ACE: variants seen among roughly 807,000 people sequenced by gnomAD.
ACE encodes angiotensin I converting enzyme, also known as angiotensin-converting enzyme.
In ACE, 122 loss-of-function variants were observed where a neutral mutation model predicts 162.3. The observed-to-expected ratio is 0.75, with a 90% CI of 0.65 to 0.87. The LOEUF (loss-of-function observed/expected upper bound fraction) is 0.87. Among genes scored for constraint, ACE ranks in the 40% least tolerant of loss-of-function variants. ACE has a pLI of 0.00. For synonymous variants in ACE, 796 were observed against 720.6 expected (o/e 1.10, Z -1.68); for missense variants, 1,799 against 1,735.1 (o/e 1.04, Z -0.65).
In ACE at chr17:63,490,858, A is replaced by T. The variant is rs904384379; in HGVS notation, c.2642-96A>T. ...CTCAAGAAATGCCACTATGATTAGC[A>T]GGACTGGGATCTGGAGCGCTCTTCC... On this transcript the variant is annotated intron_variant, in intron 17 of 24. Coordinates refer to ENST00000290866, the MANE Select transcript of ACE (RefSeq NM_000789.4). 2.7e-6 allele frequency: 3 copies of T among 1,128,604 alleles called. No homozygotes were observed. The Admixed American group carries it at 5.1e-5, about 19-fold the overall frequency. The allele number at this position is 1,128,604 out of a possible 1,614,324, so 69.9% of individuals were successfully genotyped here.
intron 22 of ACE, 152 bp from the exon 23 acceptor site, chr17:63,496,242 C>A: frequency 1.7e-6 from 2 of 1,173,160 alleles, no homozygotes; most frequent in East Asian, 2.4e-5. Flanking sequence ...GGAGCTCACC[C>A]TGATAGCTGT....
rs200269676 is a variant in ACE, at chr17:63,491,266, C to T, written c.2797C>T (p.Leu933=). 1.9e-6 allele frequency: 3 copies of T among 1,614,124 alleles called. No individual in the cohort carries two copies. The highest frequency in any genetic ancestry group is 1.1e-5 in the South Asian group (1 of 91,074). ...TGATGATTTCTTCACCTCCCTGGGG[C>T]TGCTGCCCGTGCCTCCTGAGTTCTG... ...EADDFFTSLG[L]LPVPPEFWNK... is the part of the protein sequence containing the mutation. Residue 933 remains leucine (L), a synonymous_variant, in exon 19 of 25, where the codon CTG becomes TTG. Coordinates refer to ENST00000290866, the MANE Select transcript of ACE (RefSeq NM_000789.4). This position sits in a 1 kb window ranked among gnomAD's most constrained non-coding sequence, Gnocchi z 4.4.
Position 63,486,300 on chromosome 17 carries a change from C to A in ACE, c.2059-257C>A, listed in dbSNP as rs4330. ...GCTGGCTCCTTCCTAAGGGCCTTTA[C>A]GACACTTGGGGGTCTTCTCTTCTCT... On this transcript the variant is annotated intron_variant, in intron 13 of 24. Coordinates refer to ENST00000290866, the MANE Select transcript of ACE (RefSeq NM_000789.4). 0.52 allele frequency: 286,484 copies of A among 553,364 alleles called. 75,788 individuals are homozygous for A. Among genetic ancestry groups the A allele is most frequent in the Middle Eastern group, 0.63 (1,278 of 2,014 alleles). The allele number at this position is 553,364 out of a possible 1,614,324, so 34.3% of individuals were successfully genotyped here.
rs369760270 is a variant in ACE, at chr17:63,496,902, C to T, written c.3608C>T (p.Pro1203Leu). 15 of 1,613,778 alleles carry T rather than the reference C, an allele frequency of 9.3e-6. No homozygotes were observed. In the East Asian group the frequency reaches 1.3e-4, roughly 14 times the overall value. ...TCGGCCATGTTGAGCTACTTCAAGC[C>T]GCTGCTGGACTGGCTCCGCACGGAG... Reference protein sequence around the residue: ...SASAMLSYFKPLLDWLRTENE... With the variant: ...SASAMLSYFKLLLDWLRTENE... The change falls in exon 24 of 25, where the codon CCG becomes CTG. Residue 1203 changes from proline to leucine, a missense_variant. By Grantham distance (98) the Pro-to-Leu change is moderately conservative. Coordinates refer to ENST00000290866, the MANE Select transcript of ACE (RefSeq NM_000789.4).
At chr17:63,483,288 G>A (rs954026411) in intron 9 of ACE, 115 bp downstream of exon 9, 6 of 1,565,048 alleles carry the variant, frequency 3.8e-6, no homozygotes, top group East Asian at 2.2e-5. Context: ...GATGTCCCCC[G>A]CTGTGACCCA....
intron 1 of ACE, 120 bp from the exon 2 acceptor site, chr17:63,477,811 C>T (rs763851900): frequency 1.1e-5 from 14 of 1,298,722 alleles, no homozygotes; most frequent in Non-Finnish European, 1.5e-5. Context: ...GGGATCTCCC[C>T]AGGGCCCGGG....
chr17:63,482,815 T>A, intron 8 of ACE, 126 bp downstream of exon 8: 2 of 1,167,310 alleles, frequency 1.7e-6, no homozygotes, highest in Non-Finnish European at 1.2e-6. Context: ...TCAGGCAGGG[T>A]TCGGGATCCT....
At position 63,491,392 on chromosome 17, in the gene ACE, C is replaced by G. The variant is rs1482873772; in HGVS notation, c.2912+11C>G. 6.2e-7 allele frequency: 1 copy of G among 1,614,062 alleles called. No individual in the cohort carries two copies. Among genetic ancestry groups the G allele is most frequent in the South Asian group, 1.1e-5 (1 of 91,088 alleles). ...CGGCAAGGACTTCCGGTACATCCAG[C>G]TAGGGCTCAGGTCTCGTTCCTGAGC... On this transcript the variant is annotated intron_variant, in intron 19 of 24. Transcript: ENST00000290866. The surrounding 1 kb of genome is among the most constrained non-coding windows in gnomAD (Gnocchi z 4.4).
chr17:63,488,073 A>G (rs1334018536), intron 15 of ACE, among the ~76,000 whole-genome samples: 1 of 152,174 alleles, frequency 6.6e-6, no homozygotes, highest in East Asian at 1.9e-4. Flanking sequence ...CATCTGTACT[A>G]AAAATACAAA....
Position 63,483,568 on chromosome 17 carries a change from C to CGGGGGGCG in ACE, c.1586+10_1586+11insGGGGGGCG. 16 of 1,585,778 alleles carry CGGGGGGCG rather than the reference C, an allele frequency of 1.0e-5. No individual in the cohort carries two copies. Among genetic ancestry groups the CGGGGGGCG allele is most frequent in the Non-Finnish European group, 1.4e-5 (16 of 1,159,892 alleles). Reference sequence around the variant, plus strand: ...TGACACCATACATCAGGTATTAGCGCCCCCACCCCACCCACCCCCAGTACT... The same window carrying CGGGGGGCG: ...TGACACCATACATCAGGTATTAGCGCGGGGGGCGCCCCACCCCACCCACCCCCAGTACT... On this transcript the variant is annotated intron_variant, in intron 10 of 24. Coordinates refer to ENST00000290866, the MANE Select transcript of ACE (RefSeq NM_000789.4).
chr17:63,489,074 C>A lies in ACE; in HGVS notation c.2583C>A (p.His861Gln). Reference sequence around the variant, plus strand: ...ATGCCTACGTGCGCCGGGCCCTGCACCGTCACTACGGGGCCCAGCACATCA... The same window carrying A: ...ATGCCTACGTGCGCCGGGCCCTGCAACGTCACTACGGGGCCCAGCACATCA... ...NLHAYVRRAL[H>Q]RHYGAQHINL... Residue 861 changes from histidine to glutamine, a missense_variant, in exon 17 of 25, where the codon CAC becomes CAA. Transcript: ENST00000290866. The A allele has an allele frequency of 6.2e-7, 1 of 1,613,844 alleles. No individual in the cohort carries two copies. The highest frequency in any genetic ancestry group is 8.5e-7 in the Non-Finnish European group (1 of 1,180,046).
rs1005283833 is a variant in ACE at position 63,496,364 on chromosome 17, G to A, written c.3381-30G>A. 1.2e-5 allele frequency: 20 copies of A among 1,613,808 alleles called. No homozygotes were observed. The African/African-American group carries it at 1.9e-4, about 15-fold the overall frequency. ...TGGCACAAGGCCCTCAACCAACTCC[G>A]CCCCGGGCCACGGCCTCGCTCTGCT... On this transcript the variant is annotated intron_variant, in intron 22 of 24. Transcript: ENST00000290866.
At position 63,478,991 on chromosome 17, in the gene ACE, C is replaced by A; in HGVS notation, c.418-16C>A. 6.2e-7 allele frequency: 1 copy of A among 1,609,294 alleles called. No homozygotes were observed. The highest frequency in any genetic ancestry group is 8.5e-7 in the Non-Finnish European group (1 of 1,176,656). ...GGGGCTGGTCACTGGAGCATTCCTC[C>A]CCTCTGACTCCCCAGTACAACGCCC... On this transcript the variant is annotated splice_polypyrimidine_tract_variant and intron_variant, in intron 2 of 24. Transcript: ENST00000290866.
intron 9 of ACE, 118 bp from the exon 10 acceptor site, chr17:63,483,342 C>G: frequency 6.8e-7 from 1 of 1,466,980 alleles, no homozygotes; most frequent in South Asian, 1.1e-5. Context: ...TCCAGGAAGT[C>G]TTCCCCAGTT....
intron 10 of ACE, 109 bp downstream of exon 10, chr17:63,483,667 C>G (rs1487569316): frequency 7.2e-7 from 1 of 1,398,214 alleles, no homozygotes; most frequent in African/African-American, 1.4e-5. Context: ...CATGCTCCTC[C>G]AGACCTCAAA....
In ACE at chr17:63,477,236, C is replaced by T; in HGVS notation, c.142C>T (p.Leu48Phe). The T allele has an allele frequency of 4.0e-6, 6 of 1,504,348 alleles. No homozygotes were observed. Among genetic ancestry groups the T allele is most frequent in the Non-Finnish European group, 3.5e-6 (4 of 1,129,956 alleles). The allele number at this position is 1,504,348 out of a possible 1,614,324, so 93.2% of individuals were successfully genotyped here. ...TTCTGCTGACGAGGCCGGGGCGCAG[C>T]TCTTCGCGCAGAGCTACAACTCCAG... Reference protein sequence around the residue: ...NFSADEAGAQLFAQSYNSSAE... With the variant: ...NFSADEAGAQFFAQSYNSSAE... The change falls in exon 1 of 25, where the codon CTC becomes TTC. Residue 48 changes from leucine to phenylalanine, a missense_variant. By Grantham distance (22) the Leu-to-Phe change is conservative. Coordinates refer to ENST00000290866, the MANE Select transcript of ACE (RefSeq NM_000789.4).
chr17:63,477,152 T>TTGC lies in ACE; in HGVS notation c.65_67dup (p.Leu22dup). 6.9e-7 allele frequency: 1 copy of TTGC among 1,440,924 alleles called. No individual in the cohort carries two copies. Among genetic ancestry groups the TTGC allele is most frequent in the Non-Finnish European group, 9.1e-7 (1 of 1,097,694 alleles). 89.3% of individuals were successfully genotyped at this position (1,440,924 alleles called of 1,614,324 possible). ...GCTGCTGCTGCCGCTGCCGCTGCTG[T>TTGC]TGCTGCTGCCGCCGCAGCCCGCCCT... is the stretch of plus-strand genomic sequence containing the variant. On this transcript the variant is annotated inframe_insertion, in exon 1 of 25. Transcript: ENST00000290866.
At chr17:63,496,758 T>C (rs1167771055) in intron 23 of ACE, 40 bp from the exon 24 acceptor site, 11 of 1,607,698 alleles carry the variant, frequency 6.8e-6, no homozygotes, top group Non-Finnish European at 9.3e-6. Flanking sequence ...AGAGGGGCCA[T>C]GTCCTTCTGA....
chr17:63,482,322 AAGT>A, intron 7 of ACE, 141 bp from the exon 8 acceptor site: 1 of 711,144 alleles, frequency 1.4e-6, no homozygotes, highest in East Asian at 2.7e-5. Flanking sequence ...AGAAAAAAAG[AAGT>A]TACTTGTTTC....
Sources: allele counts gnomAD v4.1 joint callset (sites outside exome capture counted in the v4.1 genomes callset), GRCh38; gene constraint gnomAD v4.1.1; non-coding constraint Gnocchi (gnomAD v3.1); transcripts MANE v1.5; gene names NCBI Gene and HGNC (gene_info 2026-07-23, HGNC 2026-07-21).